The following NRG3 variants were observed in gnomAD, a reference collection of about 807,000 sequenced individuals.
NRG3 encodes the protein pro-neuregulin-3, membrane-bound isoform.
NRG3 carries 31 observed loss-of-function variants against 66.9 expected under a neutral mutation model. The ratio of observed to expected loss-of-function variants is 0.46; its 90% CI spans 0.35 to 0.63. The LOEUF (loss-of-function observed/expected upper bound fraction) is 0.63. NRG3 is among the 20% of genes least tolerant of loss of function. The probability of loss-of-function intolerance (pLI) is 0.00; values close to 1 mark genes in which losing one functional copy is unlikely to be tolerated. For missense variants in NRG3, 910 were observed against 878.9 expected (o/e 1.04, Z -0.45); for synonymous variants, 393 against 359.4 (o/e 1.09, Z -1.06).
chr10:82,003,807 A>C (rs2061266868), intron 1 of NRG3, among the ~76,000 whole-genome samples: 1 of 152,056 alleles, frequency 6.6e-6, no homozygotes, highest in Non-Finnish European at 1.5e-5. Flanking sequence ...GCAGAGAAAT[A>C]GCATGGTTGA....
intron 2 of NRG3, among the ~76,000 whole-genome samples, chr10:82,393,461 G>A (rs1383560027): frequency 1.3e-5 from 2 of 152,090 alleles, no homozygotes; most frequent in Admixed American, 1.3e-4. Context: ...CTGACAGAAA[G>A]GATTAAAGTC....
chr10:82,534,290 A>G (rs989902947), intron 2 of NRG3, among the ~76,000 whole-genome samples: 3 of 151,098 alleles, frequency 2.0e-5, no homozygotes, highest in African/African-American at 7.3e-5. Flanking sequence ...GAGACAGAGT[A>G]TCGCTGTATT....
chr10:82,270,653 A>G (rs1192708829), intron 1 of NRG3, among the ~76,000 whole-genome samples: 1 of 152,124 alleles, frequency 6.6e-6, no homozygotes, highest in Non-Finnish European at 1.5e-5. Context: ...AGGTATAGCA[A>G]AATGGTTTCA....
chr10:82,611,559 G>A (rs1359172485), intron 2 of NRG3, among the ~76,000 whole-genome samples: 1 of 152,096 alleles, frequency 6.6e-6, no homozygotes, highest in African/African-American at 2.4e-5. Flanking sequence ...GAGAATGATG[G>A]TTTCCAGCTT....
chr10:82,061,842 T>TTCTCTCTCTCTC (rs72439199), intron 1 of NRG3, among the ~76,000 whole-genome samples: 2,668 of 146,776 alleles, frequency 0.018, 37 homozygotes, highest in Non-Finnish European at 0.024. Flanking sequence ...CAGTGTCCCT[T>TTCTCTCTCTCTC]TCTCTCTCTC....
rs2046550244 is a variant in NRG3 at position 82,584,513 on chromosome 10, C to G, written c.954-154064C>G. Among the ~76,000 whole-genome samples the G allele has an allele frequency of 2.6e-5, 4 of 152,280 alleles. No homozygotes were observed. In the South Asian group the frequency reaches 8.3e-4, roughly 32 times the overall value. On this transcript the variant is annotated intron_variant, in intron 2 of 8. Transcript: ENST00000372141. Reference sequence around the variant, plus strand: ...ATATTAATGTGTATAAATTAAGCCACAAATTATTGGGTTCATGAGTAAAAC... The same window carrying G: ...ATATTAATGTGTATAAATTAAGCCAGAAATTATTGGGTTCATGAGTAAAAC...
chr10:82,943,910 T>C (rs1848783748), intron 4 of NRG3, among the ~76,000 whole-genome samples: 1 of 152,214 alleles, frequency 6.6e-6, no homozygotes. Context: ...TCATTCTCAT[T>C]ATAAACATAC....
In NRG3 at chr10:82,269,559, C is replaced by T. The variant is rs183112000; in HGVS notation, c.824-89180C>T. ...AGCCCTGTGGTAACCCAGAGTCAGC[C>T]GAAATGAAGACAAGCTCTTCATCTC... On this transcript the variant is annotated intron_variant, in intron 1 of 8. Coordinates refer to ENST00000372141, the MANE Select transcript of NRG3 (RefSeq NM_001010848.4). Among the ~76,000 whole-genome samples, 83 of 152,094 alleles carry T rather than the reference C, an allele frequency of 5.5e-4. 1 individual carries two copies. In the East Asian group the frequency reaches 0.011, roughly 21 times the overall value.
At chr10:82,105,691 C>G (rs550518374) in intron 1 of NRG3, among the ~76,000 whole-genome samples, 3 of 152,240 alleles carry the variant, frequency 2.0e-5, no homozygotes, top group East Asian at 3.9e-4. Flanking sequence ...TTTCTTCTCT[C>G]TGTTTCACAT....
At chr10:82,745,514 G>C (rs1196629988) in intron 3 of NRG3, among the ~76,000 whole-genome samples, 1 of 152,094 alleles carries the variant, frequency 6.6e-6, no homozygotes, top group Non-Finnish European at 1.5e-5. Flanking sequence ...TAGCAGAATG[G>C]ATTTATATGT....
chr10:82,327,871 G>A (rs1033390616), intron 1 of NRG3, among the ~76,000 whole-genome samples: 4 of 152,134 alleles, frequency 2.6e-5, no homozygotes, highest in Non-Finnish European at 5.9e-5. Context: ...TCCTTGGCTT[G>A]TAGTCAGCTG....
intron 3 of NRG3, among the ~76,000 whole-genome samples, chr10:82,749,052 G>A (rs1176721695): frequency 6.6e-6 from 1 of 152,058 alleles, no homozygotes; most frequent in African/African-American, 2.4e-5. Context: ...AGGATTTGTG[G>A]TGTCTTCTAA....
chr10:82,018,835 G>A (rs1489165031), intron 1 of NRG3, among the ~76,000 whole-genome samples: 1 of 152,034 alleles, frequency 6.6e-6, no homozygotes, highest in Non-Finnish European at 1.5e-5. Context: ...GAGATTTTGG[G>A]CTGAGACGAT....
chr10:82,131,949 G>A (rs1324511744), intron 1 of NRG3, among the ~76,000 whole-genome samples: 2 of 151,996 alleles, frequency 1.3e-5, no homozygotes, highest in Non-Finnish European at 2.9e-5. Flanking sequence ...GTCTTCAGAC[G>A]TTTCCAAATG....
intron 1 of NRG3, among the ~76,000 whole-genome samples, chr10:82,328,862 G>A (rs1425282389): frequency 1.3e-5 from 2 of 152,218 alleles, no homozygotes; most frequent in Non-Finnish European, 2.9e-5. Flanking sequence ...AAGTTTTAAT[G>A]TGTTTGTCCC....
intron 1 of NRG3, among the ~76,000 whole-genome samples, chr10:82,139,638 G>A (rs1407224819): frequency 1.3e-5 from 2 of 152,092 alleles, no homozygotes; most frequent in African/African-American, 4.8e-5. Context: ...AGTCTTTAAG[G>A]AGAGAATAAA....
intron 1 of NRG3, among the ~76,000 whole-genome samples, chr10:82,072,605 G>A (rs894052977): frequency 6.6e-6 from 1 of 152,004 alleles, no homozygotes; most frequent in African/African-American, 2.4e-5. Context: ...CAGAGAGTAT[G>A]TTGGTATCTA....
At chr10:81,979,406 T>C (rs2060252123) in intron 1 of NRG3, among the ~76,000 whole-genome samples, 1 of 152,096 alleles carries the variant, frequency 6.6e-6, no homozygotes, top group East Asian at 1.9e-4. Flanking sequence ...TGTGCACACA[T>C]TGCTAGAGAG....
At chr10:82,385,984 A>G (rs1397484333) in intron 2 of NRG3, among the ~76,000 whole-genome samples, 2 of 152,178 alleles carry the variant, frequency 1.3e-5, no homozygotes, top group Non-Finnish European at 2.9e-5. Flanking sequence ...AGATAAATAT[A>G]GAGTAATGCT....
Sources: gnomAD v4.1 joint callset for allele counts (sites outside exome capture counted in the v4.1 genomes callset) on GRCh38, gnomAD v4.1.1 for gene constraint, MANE v1.5 for transcripts, NCBI Gene and HGNC (gene_info 2026-07-23, HGNC 2026-07-21) for gene names.